The following XYLT1 variants were observed in gnomAD, a reference collection of about 807,000 sequenced individuals.
The protein encoded by XYLT1 is xylosyltransferase 1.
In XYLT1, 36 loss-of-function variants were observed where a neutral mutation model predicts 91.3. The observed-to-expected ratio is 0.39, with a 90% CI of 0.30 to 0.52. The LOEUF (loss-of-function observed/expected upper bound fraction) is 0.52, where lower values mean the gene tolerates loss of function less well. Among genes scored for constraint, XYLT1 ranks in the 20% least tolerant of loss-of-function variants. The pLI is 0.68. For missense variants in XYLT1, 1,242 were observed against 1,284.5 expected, an observed-to-expected ratio of 0.97 and a Z score of 0.51; for synonymous variants, 588 against 532.0, an observed-to-expected ratio of 1.11 and a Z score of -1.45.
intron 5 of XYLT1, among the ~76,000 whole-genome samples, chr16:17,173,926 T>G (rs2031883614): frequency 6.6e-6 from 1 of 152,198 alleles, no homozygotes; most frequent in South Asian, 2.1e-4. Context: ...CACATAGTAA[T>G]CGCTTGATTA....
intron 10 of XYLT1, among the ~76,000 whole-genome samples, chr16:17,125,229 G>A (rs2030217615): frequency 6.6e-6 from 1 of 152,152 alleles, no homozygotes. Flanking sequence ...AGGCTCTATG[G>A]ATTCTCTTGG....
chr16:17,446,120 A>G (rs1053433762), intron 1 of XYLT1: 2 of 152,282 alleles, frequency 1.3e-5, no homozygotes, highest in South Asian at 2.1e-4. Context: ...GAGAGCAACC[A>G]CCTGCTATTT....
In XYLT1 at chr16:17,103,094, G is replaced by A. The variant is rs1426237227; in HGVS notation, c.*5601C>T. On this transcript the variant is annotated 3_prime_UTR_variant, in exon 12 of 12. Transcript: ENST00000261381. ...GTAAAGAATAGAGTCTGAAGGTAGG[G>A]AAAGGGTGATTCCTTTGAGAACACT... is the stretch of plus-strand genomic sequence containing the variant. The A allele has an allele frequency of 6.6e-6, 1 of 152,642 alleles. No homozygotes were observed. The highest frequency in any genetic ancestry group is 2.4e-5 in the African/African-American group (1 of 41,456). 9.5% of individuals were successfully genotyped at this position (152,642 alleles called of 1,614,324 possible).
intron 1 of XYLT1, among the ~76,000 whole-genome samples, chr16:17,425,344 G>A (rs772110810): frequency 2.6e-5 from 4 of 151,990 alleles, no homozygotes; most frequent in Non-Finnish European, 4.4e-5. Flanking sequence ...CATTAACATC[G>A]TCTATATATT....
At chr16:17,207,216 C>T (rs2032666351) in intron 3 of XYLT1, among the ~76,000 whole-genome samples, 1 of 151,992 alleles carries the variant, frequency 6.6e-6, no homozygotes, top group South Asian at 2.1e-4. Flanking sequence ...TGCCACCACG[C>T]CTGGCTAAAT....
chr16:17,383,896 C>G (rs1199597608), intron 1 of XYLT1, among the ~76,000 whole-genome samples: 1 of 151,576 alleles, frequency 6.6e-6, no homozygotes, highest in Non-Finnish European at 1.5e-5. Flanking sequence ...TATAGGTGCC[C>G]GCCACCACGC....
At chr16:17,456,662 T>C (rs1242254191) in intron 1 of XYLT1, among the ~76,000 whole-genome samples, 1 of 152,192 alleles carries the variant, frequency 6.6e-6, no homozygotes, top group African/African-American at 2.4e-5. Flanking sequence ...TTTCTGGCAG[T>C]GTCCTTCTGA....
At chr16:17,232,941 T>C (rs1239997831) in intron 3 of XYLT1, among the ~76,000 whole-genome samples, 1 of 152,184 alleles carries the variant, frequency 6.6e-6, no homozygotes, top group Non-Finnish European at 1.5e-5. Context: ...ATTGCCCCCT[T>C]TGGGCATAAT....
In XYLT1 at chr16:17,441,439, C is replaced by A. The variant is rs188903294; in HGVS notation, c.363+28995G>T. On this transcript the variant is annotated intron_variant, in intron 1 of 11. Transcript: ENST00000261381. ...TTTTAATACCTGAAAGAATGGATAA[C>A]CCTGGGCCTGATTCTCTTACAGTCA... 6.2e-3 allele frequency among the ~76,000 whole-genome samples: 941 copies of A among 152,170 alleles called. 6 individuals carry two copies. The highest frequency in any genetic ancestry group is 0.027 in the Middle Eastern group (8 of 292).
In XYLT1 at chr16:17,410,739, T is replaced by A. The variant is rs142179052; in HGVS notation, c.364-52689A>T. On this transcript the variant is annotated intron_variant, in intron 1 of 11. Coordinates refer to ENST00000261381, the MANE Select transcript of XYLT1 (RefSeq NM_022166.4). ...CTCACTGCAACCTCTGCCTCCTAGGTTCAAGCGATTATCCTGCCTCAGCCT... is the reference window on the plus strand; with the variant it reads ...CTCACTGCAACCTCTGCCTCCTAGGATCAAGCGATTATCCTGCCTCAGCCT... Among the ~76,000 whole-genome samples, 727 of 150,116 alleles carry A rather than the reference T, an allele frequency of 4.8e-3. 2 individuals carry two copies. Among genetic ancestry groups the A allele is most frequent in the Admixed American group, 7.8e-3 (116 of 14,832 alleles).
At chr16:17,380,391 T>A (rs1027393631) in intron 1 of XYLT1, among the ~76,000 whole-genome samples, 17 of 152,302 alleles carry the variant, frequency 1.1e-4, no homozygotes, top group Admixed American at 6.5e-4. Context: ...CTCTGCAAAG[T>A]GGTTGTATAT....
chr16:17,238,597 T>C (rs1487817824), intron 3 of XYLT1, among the ~76,000 whole-genome samples: 1 of 152,310 alleles, frequency 6.6e-6, no homozygotes, highest in East Asian at 1.9e-4. Flanking sequence ...CGGACCCCAA[T>C]AAGGGAAAAC....
intron 3 of XYLT1, among the ~76,000 whole-genome samples, chr16:17,258,123 G>A (rs2033664243): frequency 6.6e-6 from 1 of 151,508 alleles, no homozygotes; most frequent in African/African-American, 2.4e-5. Flanking sequence ...AGGGAAAGAG[G>A]GAGGGGAAAA....
chr16:17,280,177 C>A (rs2034036475), intron 2 of XYLT1, among the ~76,000 whole-genome samples: 1 of 152,156 alleles, frequency 6.6e-6, no homozygotes, highest in African/African-American at 2.4e-5. Context: ...ATGGCGAAAC[C>A]TCGTCTCTAA....
intron 1 of XYLT1, among the ~76,000 whole-genome samples, chr16:17,361,080 CTG>C (rs1222781092): frequency 2.0e-5 from 3 of 152,234 alleles, no homozygotes; most frequent in Non-Finnish European, 4.4e-5. Context: ...CAGTTCTTTA[CTG>C]TGTGCTTCTG....
chr16:17,462,850 T>C (rs552983613), intron 1 of XYLT1, among the ~76,000 whole-genome samples: 80 of 152,238 alleles, frequency 5.3e-4, no homozygotes, highest in African/African-American at 1.6e-3. Context: ...AGTACACAGC[T>C]TGAAGGATTA....
At chr16:17,112,983 GC>G (rs1966845271) in intron 11 of XYLT1, among the ~76,000 whole-genome samples, 1 of 151,846 alleles carries the variant, frequency 6.6e-6, no homozygotes, top group South Asian at 2.1e-4. Context: ...GGGATCACAG[GC>G]ACACGTCACC....
intron 1 of XYLT1, among the ~76,000 whole-genome samples, chr16:17,410,720 G>T (rs563400425): frequency 6.9e-6 from 1 of 145,962 alleles, no homozygotes; most frequent in African/African-American, 2.6e-5. Context: ...TTGGCTCACT[G>T]CAACCTCTGC....
chr16:17,150,056 A>G (rs1198094190), intron 6 of XYLT1, among the ~76,000 whole-genome samples: 1 of 152,252 alleles, frequency 6.6e-6, no homozygotes, highest in African/African-American at 2.4e-5. Context: ...CTGGCAGAGC[A>G]ATGATATTTC....
Sources: allele counts gnomAD v4.1 joint callset (sites outside exome capture counted in the v4.1 genomes callset), GRCh38; gene constraint gnomAD v4.1.1; transcripts MANE v1.5; gene names NCBI Gene and HGNC (gene_info 2026-07-23, HGNC 2026-07-21).